Variants in TCF3 observed in about 807,000 individuals in gnomAD.
TCF3 encodes transcription factor 3.
Under a neutral mutation model 72.3 loss-of-function variants are expected in TCF3, and 54 were observed. That is an observed-to-expected ratio of 0.75 (90% CI 0.60 to 0.94). TCF3 has a LOEUF of 0.94. Ranked by LOEUF, TCF3 falls within the 40% of genes least tolerant of loss-of-function variation. The pLI is 0.00. For synonymous variants in TCF3, 525 were observed against 412.6 expected (o/e 1.27, Z -3.30); for missense variants, 1,078 against 934.4 (o/e 1.15, Z -2.00).
At chr19:1,627,521 T>TA in intron 5 of TCF3, 95 bp from the exon 6 acceptor site, 1 of 1,133,352 alleles carries the variant, frequency 8.8e-7, no homozygotes, top group Middle Eastern at 2.2e-4. Flanking sequence ...AGGCTCTCAG[T>TA]AAGTGCACAC....
In TCF3 at chr19:1,611,750, T is replaced by G; in HGVS notation, c.1922A>C (p.His641Pro). ...GTTGTGGGCTTCGCTCAGGCCTGGG[T>G]GGGGAGCTGAAAGCACCATCTGGGG... is the stretch of plus-strand genomic sequence containing the variant. ...GDPQMVLSAP[H>P]PGLSEAHNPA... Residue 641 changes from histidine to proline, a missense_variant, in exon 19 of 19, where the codon CAC becomes CCC. Coordinates refer to ENST00000262965, the MANE Select transcript of TCF3 (RefSeq NM_003200.5). 6.2e-7 allele frequency: 1 copy of G among 1,613,512 alleles called. No homozygotes were observed. The highest frequency in any genetic ancestry group is 8.5e-7 in the Non-Finnish European group (1 of 1,179,910).
intron 3 of TCF3, among the ~76,000 whole-genome samples, chr19:1,641,060 G>A (rs900693790): frequency 1.3e-5 from 2 of 151,050 alleles, no homozygotes; most frequent in African/African-American, 2.4e-5. Context: ...TGAAGCAGGA[G>A]AATCGTTTGA....
intron 3 of TCF3, among the ~76,000 whole-genome samples, chr19:1,637,435 C>T (rs559305593): frequency 2.6e-5 from 4 of 152,322 alleles, no homozygotes; most frequent in African/African-American, 9.6e-5. Context: ...GAGCTGGCCC[C>T]GAGAGTGGGC....
At chr19:1,619,744 C>CGGGGAAGGGT (rs897324349) in intron 14 of TCF3, 36 bp downstream of exon 14, 24 of 390,416 alleles carry the variant, frequency 6.1e-5, no homozygotes, top group African/African-American at 1.4e-4. Context: ...CAAATTCTGT[C>CGGGGAAGGGT]GGGGAAGGGT....
At chr19:1,645,760 G>A (rs540216512) in intron 3 of TCF3, among the ~76,000 whole-genome samples, 2 of 152,122 alleles carry the variant, frequency 1.3e-5, no homozygotes, top group African/African-American at 2.4e-5. Flanking sequence ...TGTCATCAGC[G>A]AGGGTGACCC....
intron 3 of TCF3, among the ~76,000 whole-genome samples, chr19:1,634,195 A>G (rs1384633499): frequency 6.6e-6 from 1 of 152,220 alleles, no homozygotes; most frequent in African/African-American, 2.4e-5. Flanking sequence ...CAGCCCCCAC[A>G]TTAATACAGT....
At chr19:1,631,830 T>C in intron 5 of TCF3, 1 of 1,331,242 alleles carries the variant, frequency 7.5e-7, no homozygotes, top group East Asian at 2.5e-5. Flanking sequence ...CGGGGAAGCC[T>C]AGTTGCAGAG....
At chr19:1,638,858 CGATGGAAGGAAAAGCT>C (rs1427816707) in intron 3 of TCF3, among the ~76,000 whole-genome samples, 2 of 152,120 alleles carry the variant, frequency 1.3e-5, no homozygotes, top group African/African-American at 2.4e-5. Flanking sequence ...CAAAATAAGA[CGATGGAAGGAAAAGCT>C]GAGAACGAAG....
chr19:1,611,294 C>G lies in TCF3; in HGVS notation c.*413G>C, dbSNP rs923402931. ...CTTGAGTGATATGTTTCCATTTCTCCGCTTTTTATAGTTAAGGCATTTTTT... is the reference window on the plus strand; with the variant it reads ...CTTGAGTGATATGTTTCCATTTCTCGGCTTTTTATAGTTAAGGCATTTTTT... On this transcript the variant is annotated 3_prime_UTR_variant, in exon 19 of 19. Coordinates refer to ENST00000262965, the MANE Select transcript of TCF3 (RefSeq NM_003200.5). 8 of 356,726 alleles carry G rather than the reference C, an allele frequency of 2.2e-5. No homozygotes were observed. The Admixed American group carries it at 3.3e-4, about 15-fold the overall frequency. 22.1% of individuals were successfully genotyped at this position (356,726 alleles called of 1,614,324 possible).
chr19:1,636,631 C>T (rs2064445104), intron 3 of TCF3, among the ~76,000 whole-genome samples: 1 of 152,156 alleles, frequency 6.6e-6, no homozygotes, highest in Admixed American at 6.5e-5. Flanking sequence ...AGATGAAAGA[C>T]CAGGATGCCC....
At position 1,611,719 on chromosome 19, in the gene TCF3, G is replaced by A. The variant is rs562957668; in HGVS notation, c.1953C>T (p.Ala651=). The A allele has an allele frequency of 9.3e-6, 15 of 1,613,284 alleles. No individual in the cohort carries two copies. Among genetic ancestry groups the A allele is most frequent in the South Asian group, 5.5e-5 (5 of 91,010 alleles). The change falls in exon 19 of 19, where the codon GCC becomes GCT. Residue 651 remains alanine, a synonymous_variant. Coordinates refer to ENST00000262965, the MANE Select transcript of TCF3 (RefSeq NM_003200.5). ...GGAGGCATACCTTTCACATGTGCCC[G>A]GCGGGGTTGTGGGCTTCGCTCAGGC... ...HPGLSEAHNP[A]GHM is the part of the protein sequence containing the mutation.
intron 3 of TCF3, among the ~76,000 whole-genome samples, chr19:1,645,417 C>T (rs1298228148): frequency 6.6e-6 from 1 of 152,152 alleles, no homozygotes. Flanking sequence ...ACTAGACCCT[C>T]TCTCCATTCA....
intron 3 of TCF3, among the ~76,000 whole-genome samples, chr19:1,640,263 C>T (rs892451423): frequency 4.6e-5 from 7 of 152,062 alleles, no homozygotes; most frequent in African/African-American, 1.4e-4. Context: ...AGGCCGGGCT[C>T]GGTGGCTCAT....
At chr19:1,651,585 C>CTT (rs2067070434) in intron 1 of TCF3, among the ~76,000 whole-genome samples, 1 of 152,170 alleles carries the variant, frequency 6.6e-6, no homozygotes, top group Non-Finnish European at 1.5e-5. Flanking sequence ...GTCCCAAGGA[C>CTT]TTTGAGAGAC....
At chr19:1,648,310 G>A (rs890819712) in intron 2 of TCF3, among the ~76,000 whole-genome samples, 2 of 152,174 alleles carry the variant, frequency 1.3e-5, no homozygotes, top group African/African-American at 4.8e-5. Flanking sequence ...CTGCCTCCCC[G>A]TCCTGGCCAG....
At chr19:1,624,116 G>T in intron 7 of TCF3, 116 bp from the exon 8 acceptor site, 1 of 1,021,614 alleles carries the variant, frequency 9.8e-7, no homozygotes, top group Non-Finnish European at 1.5e-6. Flanking sequence ...ACCTCGGGTC[G>T]GCTGGGTGCG....
chr19:1,645,113 G>C (rs1432073258), intron 3 of TCF3, among the ~76,000 whole-genome samples: 9 of 152,052 alleles, frequency 5.9e-5, no homozygotes, highest in East Asian at 3.9e-4. Context: ...ATGTGGGGGT[G>C]CAAGTGCCCA....
chr19:1,611,331 A>T lies in TCF3; in HGVS notation c.*376T>A. 1 of 390,964 alleles carries T rather than the reference A, an allele frequency of 2.6e-6. No homozygotes were observed. Among genetic ancestry groups the T allele is most frequent in the Non-Finnish European group, 4.5e-6 (1 of 221,610 alleles). 24.2% of individuals were successfully genotyped at this position (390,964 alleles called of 1,614,324 possible). Reference sequence around the variant, plus strand: ...TTAAGGCATTTTTTTCTTCTCTGACAAAGTGTATGTTTTGTTGCTTGCTTT... The same window carrying T: ...TTAAGGCATTTTTTTCTTCTCTGACTAAGTGTATGTTTTGTTGCTTGCTTT... On this transcript the variant is annotated 3_prime_UTR_variant, in exon 19 of 19. Coordinates refer to ENST00000262965, the MANE Select transcript of TCF3 (RefSeq NM_003200.5).
At chr19:1,640,472 T>C (rs894355949) in intron 3 of TCF3, among the ~76,000 whole-genome samples, 2 of 152,120 alleles carry the variant, frequency 1.3e-5, no homozygotes, top group Non-Finnish European at 2.9e-5. Flanking sequence ...GCTAACCTGT[T>C]AGAACTGAGA....
Sources: gnomAD v4.1 joint callset for allele counts (sites outside exome capture counted in the v4.1 genomes callset) on GRCh38, gnomAD v4.1.1 for gene constraint, MANE v1.5 for transcripts, NCBI Gene and HGNC (gene_info 2026-07-23, HGNC 2026-07-21) for gene names.